ZNF250: variants seen among roughly 807,000 people sequenced by gnomAD.
The protein encoded by ZNF250 is zinc finger protein (clone 647).
ZNF250 carries 13 observed loss-of-function variants against 37.1 expected under a neutral mutation model. The observed-to-expected ratio is 0.35, with a 90% CI of 0.23 to 0.56. ZNF250 has a LOEUF of 0.56. Ranked by LOEUF, ZNF250 falls within the 20% of genes least tolerant of loss-of-function variation. The probability of loss-of-function intolerance (pLI) is 0.87; values close to 1 mark genes in which losing one functional copy is unlikely to be tolerated. For missense variants in ZNF250, 474 were observed against 697.9 expected (o/e 0.68, Z 3.61); for synonymous variants, 251 against 265.6 (o/e 0.94, Z 0.54).
chr8:144,892,748 GGGTTTCTCCATGTT>G (rs2129826479), intron 1 of ZNF250, among the ~76,000 whole-genome samples: 1 of 152,092 alleles, frequency 6.6e-6, no homozygotes, highest in African/African-American at 2.4e-5. Context: ...AGTAGGGACA[GGGTTTCTCCATGTT>G]GGTCAGGCTG....
chr8:144,889,672 G>C lies in ZNF250; in HGVS notation c.192C>G (p.Asp64Glu). 1 of 1,613,968 alleles carries C rather than the reference G, an allele frequency of 6.2e-7. No individual in the cohort carries two copies. Among genetic ancestry groups the C allele is most frequent in the Non-Finnish European group, 8.5e-7 (1 of 1,179,886 alleles). ...CCCCTCGCTCCAGCTGGGAGATTATGTCAGGCTTGGATCCTGGAAGTCCTG... is the reference window on the plus strand; with the variant it reads ...CCCCTCGCTCCAGCTGGGAGATTATCTCAGGCTTGGATCCTGGAAGTCCTG... ...VSLGLPGSKP[D>E]IISQLERGED... Residue 64 changes from aspartate (D) to glutamate (E), a missense_variant, in exon 4 of 6, where the codon GAC becomes GAG. Transcript: ENST00000417550.
At chr8:144,885,828 C>T (rs1294782949) in intron 5 of ZNF250, among the ~76,000 whole-genome samples, 2 of 152,004 alleles carry the variant, frequency 1.3e-5, no homozygotes, top group Non-Finnish European at 2.9e-5. Context: ...AAGTTTCACC[C>T]GGTGTGGTGG....
At chr8:144,888,706 C>A (rs1211788310) in intron 4 of ZNF250, among the ~76,000 whole-genome samples, 1 of 151,226 alleles carries the variant, frequency 6.6e-6, no homozygotes, top group Admixed American at 6.6e-5. Context: ...GCAAACAATG[C>A]TTTTTTCTTT....
intron 1 of ZNF250, among the ~76,000 whole-genome samples, chr8:144,893,035 A>G (rs542169752): frequency 7.0e-6 from 1 of 143,510 alleles, no homozygotes; most frequent in Non-Finnish European, 1.5e-5. Context: ...AATTTTTTAA[A>G]TATTTTTAGT....
At chr8:144,884,547 C>T (rs1208829600) in intron 5 of ZNF250, among the ~76,000 whole-genome samples, 5 of 152,190 alleles carry the variant, frequency 3.3e-5, no homozygotes, top group African/African-American at 4.8e-5. Context: ...CCACGGCGCC[C>T]GGTCCTGAAT....
chr8:144,894,467 A>G (rs114183707), intron 1 of ZNF250, among the ~76,000 whole-genome samples: 1,721 of 149,654 alleles, frequency 0.011, 37 homozygotes, highest in African/African-American at 0.04. Context: ...TCCCCATCCA[A>G]CTCTTAGAGA....
chr8:144,898,794 C>CA (rs936631748), intron 1 of ZNF250, among the ~76,000 whole-genome samples: 2 of 151,684 alleles, frequency 1.3e-5, no homozygotes, highest in African/African-American at 2.4e-5. Context: ...AGTAATTTAT[C>CA]AAAAAAAGAC....
chr8:144,882,364 T>C lies in ZNF250; in HGVS notation c.819A>G (p.Thr273=). ...SDLAQHHKIH[T]GEKPHECLEC... is the part of the protein sequence containing the mutation. The stretch of plus-strand genomic sequence containing the variant: ...CAAGACATTCGTGAGGCTTCTCTCC[T>C]GTATGTATCTTGTGATGCTGAGCAA... The change falls in exon 6 of 6, where the codon ACA becomes ACG. Residue 273 remains threonine, a synonymous_variant. Coordinates refer to ENST00000417550, the MANE Select transcript of ZNF250 (RefSeq NM_001109689.4). This position sits in a 1 kb window ranked among gnomAD's most constrained non-coding sequence, Gnocchi z 5.5. 6.2e-7 allele frequency: 1 copy of C among 1,613,974 alleles called. No homozygotes were observed. The highest frequency in any genetic ancestry group is 8.5e-7 in the Non-Finnish European group (1 of 1,179,904).
At chr8:144,895,252 A>T (rs952246911) in intron 1 of ZNF250, 1 of 152,178 alleles carries the variant, frequency 6.6e-6, no homozygotes, top group East Asian at 1.9e-4. Context: ...AGAAAGATGT[A>T]TGTTGTGTCA....
At chr8:144,889,726 C>T (rs1219815355) in intron 3 of ZNF250, 32 bp from the exon 4 acceptor site, 1 of 1,598,730 alleles carries the variant, frequency 6.3e-7, no homozygotes, top group Non-Finnish European at 8.5e-7. Flanking sequence ...TTTGTTTACA[C>T]AACATTTACA....
Position 144,877,095 on chromosome 8 carries a change from A to G in ZNF250, c.*4420T>C, listed in dbSNP as rs1022222945. The G allele has an allele frequency of 2.0e-5, 3 of 152,266 alleles. No individual in the cohort carries two copies. The highest frequency in any genetic ancestry group is 2.0e-4 in the Admixed American group (3 of 15,290). 9.4% of individuals were successfully genotyped at this position (152,266 alleles called of 1,614,324 possible). ...AATAGCTGTTAGAAGAAACAATTTT[A>G]AAAGAAATATATACGTATTTTTTGT... is the stretch of plus-strand genomic sequence containing the variant. On this transcript the variant is annotated 3_prime_UTR_variant, in exon 6 of 6. Coordinates refer to ENST00000417550, the MANE Select transcript of ZNF250 (RefSeq NM_001109689.4).
intron 4 of ZNF250, among the ~76,000 whole-genome samples, chr8:144,887,502 C>T (rs1443757612): frequency 6.6e-6 from 1 of 152,098 alleles, no homozygotes; most frequent in Non-Finnish European, 1.5e-5. Flanking sequence ...AACTCAGTCC[C>T]ATCGTCCTCT....
Position 144,890,122 on chromosome 8 carries a change from G to A in ZNF250, c.43-63C>T. The A allele has an allele frequency of 6.3e-7, 1 of 1,584,960 alleles. No homozygotes were observed. On this transcript the variant is annotated intron_variant, in intron 2 of 5. Transcript: ENST00000417550. The surrounding 1 kb of genome is among the most constrained non-coding windows in gnomAD (Gnocchi z 5.1). Reference sequence around the variant, plus strand: ...CTGATGTCTGTGATGGGGAGTGGGTGCATGTGACATGTGACATGAGCAGTT... The same window carrying A: ...CTGATGTCTGTGATGGGGAGTGGGTACATGTGACATGTGACATGAGCAGTT...
chr8:144,880,249 T>C lies in ZNF250; in HGVS notation c.*1266A>G, dbSNP rs929373270. 2.1e-5 allele frequency: 6 copies of C among 281,716 alleles called. No individual in the cohort carries two copies. The highest frequency in any genetic ancestry group is 6.5e-5 in the South Asian group (2 of 30,590). The allele number at this position is 281,716 out of a possible 1,614,324, so 17.5% of individuals were successfully genotyped here. On this transcript the variant is annotated 3_prime_UTR_variant, in exon 6 of 6. Coordinates refer to ENST00000417550, the MANE Select transcript of ZNF250 (RefSeq NM_001109689.4). The stretch of plus-strand genomic sequence containing the variant: ...AATATAGGAATAGAAATACTAGAGA[T>C]AGTAAAAAAGAGCTATCTGAATTTG...
At chr8:144,898,011 C>G (rs1832833699) in intron 1 of ZNF250, among the ~76,000 whole-genome samples, 1 of 152,178 alleles carries the variant, frequency 6.6e-6, no homozygotes, top group African/African-American at 2.4e-5. Flanking sequence ...TTTCACGGTG[C>G]TACAGAGATT....
chr8:144,895,200 C>T (rs1421162781), intron 1 of ZNF250: 1 of 152,180 alleles, frequency 6.6e-6, no homozygotes, highest in East Asian at 1.9e-4. Flanking sequence ...GAGGCAAATG[C>T]TACGTTGGTC....
rs202030596 is a variant in ZNF250 at position 144,896,372 on chromosome 8, AT to A, written c.-55+5026del. On this transcript the variant is annotated intron_variant, in intron 1 of 5. Coordinates refer to ENST00000417550, the MANE Select transcript of ZNF250 (RefSeq NM_001109689.4). ...AAAATAAATAAATAAATAAATAAAA[AT>A]TAAAAAAAAATATGAACAAAATACA... Among the ~76,000 whole-genome samples the A allele has an allele frequency of 4.7e-4, 61 of 129,040 alleles. No homozygotes were observed. The East Asian group carries it at 9.2e-3, about 20-fold the overall frequency. 84.7% of individuals were successfully genotyped at this position (129,040 alleles called of 152,430 possible).
At position 144,891,497 on chromosome 8, in the gene ZNF250, C is replaced by T. The variant is rs1325182846; in HGVS notation, c.-54-1094G>A. Among the ~76,000 whole-genome samples the T allele has an allele frequency of 2.0e-5, 3 of 152,184 alleles. No homozygotes were observed. Among genetic ancestry groups the T allele is most frequent in the Non-Finnish European group, 2.9e-5 (2 of 68,048 alleles). ...TTGGGAGGGTGAGGCAGGCACATCA[C>T]CGGAGGTCAGGAGTTTGAGACCAGC... On this transcript the variant is annotated intron_variant, in intron 1 of 5. Transcript: ENST00000417550. This position sits in a 1 kb window ranked among gnomAD's most constrained non-coding sequence, Gnocchi z 4.0.
At position 144,889,962 on chromosome 8, in the gene ZNF250, A is replaced by G; in HGVS notation, c.140T>C (p.Met47Thr). 1 of 1,610,480 alleles carries G rather than the reference A, an allele frequency of 6.2e-7. No homozygotes were observed. The highest frequency in any genetic ancestry group is 8.5e-7 in the Non-Finnish European group (1 of 1,177,340). Residue 47 changes from methionine (M) to threonine (T), a missense_variant, in exon 3 of 6, where the codon ATG (methionine) becomes ACG (threonine). Coordinates refer to ENST00000417550, the MANE Select transcript of ZNF250 (RefSeq NM_001109689.4). ...AQRGLYRNVM[M>T]ETYGNVVSLG... is the part of the protein sequence containing the mutation. ...TGAGACTACATTCCCATAGGTTTCC[A>G]TCATCACATTTCTGTAGAGACCCCT... is the stretch of plus-strand genomic sequence containing the variant.
Sources: gnomAD v4.1 joint callset for allele counts (sites outside exome capture counted in the v4.1 genomes callset) on GRCh38, gnomAD v4.1.1 for gene constraint, Gnocchi (gnomAD v3.1) non-coding constraint, MANE v1.5 for transcripts, NCBI Gene and HGNC (gene_info 2026-07-23, HGNC 2026-07-21) for gene names.